The following KCND2 variants were observed in gnomAD, a reference collection of about 807,000 sequenced individuals.
KCND2 encodes the protein potassium voltage-gated channel subfamily D member 2.
A neutral mutation model predicts 54.4 loss-of-function variants in KCND2; 16 were observed. That is an observed-to-expected ratio of 0.29 (90% CI 0.20 to 0.45). KCND2 has a LOEUF of 0.45. Ranked by LOEUF, KCND2 falls within the 20% of genes least tolerant of loss-of-function variation. The pLI is 1.00. For missense variants in KCND2, 486 were observed against 824.2 expected, an observed-to-expected ratio of 0.59 and a Z score of 5.02; for synonymous variants, 317 against 310.7, an observed-to-expected ratio of 1.02 and a Z score of -0.21.
chr7:120,642,895 C>A (rs1207558818), intron 1 of KCND2, among the ~76,000 whole-genome samples: 1 of 152,036 alleles, frequency 6.6e-6, no homozygotes, highest in African/African-American at 2.4e-5. Flanking sequence ...GTTGTGATAC[C>A]AAAATTGCAT....
chr7:120,488,570 G>C (rs1252370158), intron 1 of KCND2, among the ~76,000 whole-genome samples: 1 of 152,042 alleles, frequency 6.6e-6, no homozygotes, highest in East Asian at 1.9e-4. Context: ...TTTGCAAAGT[G>C]AATATATTAT....
intron 1 of KCND2, among the ~76,000 whole-genome samples, chr7:120,595,025 GAA>G (rs1156421712): frequency 3.1e-5 from 3 of 97,768 alleles, no homozygotes; most frequent in Admixed American, 1.0e-4. Flanking sequence ...CGTCTCAAAA[GAA>G]AAAAAAAAAA....
intron 1 of KCND2, among the ~76,000 whole-genome samples, chr7:120,699,820 T>G (rs1792378310): frequency 6.6e-6 from 1 of 152,184 alleles, no homozygotes; most frequent in Admixed American, 6.5e-5. Context: ...AGTATAGAAA[T>G]ACAACTGTCA....
chr7:120,394,910 C>A (rs1801131763), intron 1 of KCND2, among the ~76,000 whole-genome samples: 2 of 151,918 alleles, frequency 1.3e-5, no homozygotes, highest in Admixed American at 6.6e-5. Context: ...AAATAAGTTT[C>A]TTTTAATTTT....
chr7:120,280,005 A>T (rs777671285), intron 1 of KCND2, among the ~76,000 whole-genome samples: 3 of 152,008 alleles, frequency 2.0e-5, no homozygotes, highest in Non-Finnish European at 2.9e-5. Flanking sequence ...GGGTGAAATT[A>T]TCTTCCCTTG....
At position 120,670,942 on chromosome 7, in the gene KCND2, G is replaced by T. The variant is rs1190532434; in HGVS notation, c.1116-61961G>T. Among the ~76,000 whole-genome samples the T allele has an allele frequency of 2.6e-5, 4 of 151,520 alleles. 1 individual carries two copies. Among genetic ancestry groups the T allele is most frequent in the Non-Finnish European group, 5.9e-5 (4 of 67,802 alleles). On this transcript the variant is annotated intron_variant, in intron 1 of 5. Transcript: ENST00000331113. ...AAAAAAAAAAAAAAGAAAGAAAAGG[G>T]ATGAATGTACAACATTGGTGTTATT...
intron 1 of KCND2, among the ~76,000 whole-genome samples, chr7:120,495,212 A>T (rs1802832605): frequency 1.3e-5 from 2 of 152,146 alleles, no homozygotes; most frequent in African/African-American, 4.8e-5. Flanking sequence ...AGCCTATTCT[A>T]TAAGAGTAGG....
chr7:120,705,731 A>G (rs1294897925), intron 1 of KCND2, among the ~76,000 whole-genome samples: 4 of 152,166 alleles, frequency 2.6e-5, no homozygotes, highest in South Asian at 2.1e-4. Flanking sequence ...AATGAGAAAT[A>G]TAAAGCATTA....
At chr7:120,484,171 G>A (rs1802656067) in intron 1 of KCND2, among the ~76,000 whole-genome samples, 1 of 152,118 alleles carries the variant, frequency 6.6e-6, no homozygotes, top group Non-Finnish European at 1.5e-5. Context: ...GGAAATGCGG[G>A]CAGGACTCGT....
chr7:120,493,167 C>A (rs1050599818), intron 1 of KCND2, among the ~76,000 whole-genome samples: 1 of 150,782 alleles, frequency 6.6e-6, no homozygotes, highest in Non-Finnish European at 1.5e-5. Context: ...ATAAATAATT[C>A]TTATCTATAT....
At chr7:120,447,087 G>A (rs116720818) in intron 1 of KCND2, among the ~76,000 whole-genome samples, 1 of 152,062 alleles carries the variant, frequency 6.6e-6, no homozygotes, top group African/African-American at 2.4e-5. Context: ...AGCCCAATAA[G>A]TTAAATAATT....
intron 1 of KCND2, among the ~76,000 whole-genome samples, chr7:120,592,404 C>T (rs991991923): frequency 2.6e-5 from 4 of 151,878 alleles, no homozygotes; most frequent in Non-Finnish European, 4.4e-5. Flanking sequence ...CAAAAATTAG[C>T]GGGCGTGGTG....
intron 1 of KCND2, among the ~76,000 whole-genome samples, chr7:120,440,680 G>T (rs1006772819): frequency 2.6e-5 from 4 of 151,940 alleles, no homozygotes; most frequent in Admixed American, 1.3e-4. Flanking sequence ...GTGAGAGACA[G>T]GTTCTAGTTT....
chr7:120,625,371 G>T (rs1453094928), intron 1 of KCND2, among the ~76,000 whole-genome samples: 3 of 152,120 alleles, frequency 2.0e-5, no homozygotes, highest in Non-Finnish European at 4.4e-5. Context: ...TCTAAGCTTT[G>T]CAAAAATATT....
At chr7:120,595,376 A>G (rs1050995195) in intron 1 of KCND2, among the ~76,000 whole-genome samples, 1 of 149,404 alleles carries the variant, frequency 6.7e-6, no homozygotes. Flanking sequence ...ACTTGAACCC[A>G]GGAGGTGGAC....
chr7:120,527,513 T>C (rs1426389671), intron 1 of KCND2, among the ~76,000 whole-genome samples: 2 of 152,092 alleles, frequency 1.3e-5, no homozygotes, highest in Non-Finnish European at 2.9e-5. Flanking sequence ...TAACACATCA[T>C]TGGTAGGTAA....
At chr7:120,588,701 A>G (rs557686612) in intron 1 of KCND2, among the ~76,000 whole-genome samples, 1 of 152,280 alleles carries the variant, frequency 6.6e-6, no homozygotes, top group African/African-American at 2.4e-5. Context: ...ACCAATTACA[A>G]TGAAAACTCT....
Position 120,406,426 on chromosome 7 carries a change from A to G in KCND2, c.1115+130679A>G, listed in dbSNP as rs115741588. On this transcript the variant is annotated intron_variant, in intron 1 of 5. Transcript: ENST00000331113. ...GCTGGTTTAGAGGGAACAACAAAAT[A>G]TCAGGCTTTTAGGGTGTGCTTCCAA... Among the ~76,000 whole-genome samples the G allele has an allele frequency of 6.2e-3, 949 of 152,158 alleles. 8 individuals are homozygous for G. Among genetic ancestry groups the G allele is most frequent in the African/African-American group, 0.021 (876 of 41,564 alleles).
At chr7:120,278,895 A>G (rs1799221114) in intron 1 of KCND2, among the ~76,000 whole-genome samples, 1 of 151,832 alleles carries the variant, frequency 6.6e-6, no homozygotes, top group African/African-American at 2.4e-5. Context: ...AGATTGAGTA[A>G]TCAGGTAGCT....
Sources: allele counts gnomAD v4.1 joint callset (sites outside exome capture counted in the v4.1 genomes callset), GRCh38; gene constraint gnomAD v4.1.1; transcripts MANE v1.5; gene names NCBI Gene and HGNC (gene_info 2026-07-23, HGNC 2026-07-21).